Variants in SNAPC5 observed in about 807,000 individuals in gnomAD.
SNAPC5 encodes small nuclear RNA activating complex polypeptide 5.
A neutral mutation model predicts 9.1 loss-of-function variants in SNAPC5; 12 were observed. The ratio of observed to expected loss-of-function variants is 1.32; its 90% CI spans 0.85 to 2.15. The LOEUF is 2.15. Among genes scored for constraint, SNAPC5 ranks in the 30% most tolerant of loss-of-function variants. The probability of loss-of-function intolerance (pLI) is 0.00; values close to 1 mark genes in which losing one functional copy is unlikely to be tolerated. For missense variants in SNAPC5, 132 were observed against 114.4 expected, an observed-to-expected ratio of 1.15 and a Z score of -0.70; for synonymous variants, 52 against 47.3, an observed-to-expected ratio of 1.10 and a Z score of -0.41.
intron 2 of SNAPC5, among the ~76,000 whole-genome samples, 155 bp from the exon 3 acceptor site, chr15:66,494,707 TC>T (rs1253699271): frequency 6.6e-6 from 1 of 152,192 alleles, no homozygotes; most frequent in African/African-American, 2.4e-5. Context: ...TACCCCCACC[TC>T]CATTACCAAA....
rs1161049856 is a variant in SNAPC5, at chr15:66,493,910, C to T, written c.*526G>A. ...AACAGATACACAAAGCAGTTTATAG[C>T]ATGCAATATTTCAATGCCTCTGAGA... On this transcript the variant is annotated 3_prime_UTR_variant, in exon 3 of 3. Coordinates refer to ENST00000316634, the MANE Select transcript of SNAPC5 (RefSeq NM_001329615.2). 6.5e-6 allele frequency: 1 copy of T among 152,814 alleles called. No individual in the cohort carries two copies. The highest frequency in any genetic ancestry group is 1.9e-4 in the East Asian group (1 of 5,212). The allele number at this position is 152,814 out of a possible 1,614,324, so 9.5% of individuals were successfully genotyped here. A position where few individuals can be genotyped will look rare whatever the true frequency, so the allele number is the denominator to read the frequency against.
chr15:66,497,656 G>A lies in SNAPC5; in HGVS notation c.76C>T (p.Leu26=), dbSNP rs1310201422. The change falls in exon 1 of 3, where the codon CTG becomes TTG. Residue 26 remains leucine, a synonymous_variant. Coordinates refer to ENST00000316634, the MANE Select transcript of SNAPC5 (RefSeq NM_001329615.2). ...LRLKAALHDQ[L]NRLKVEELAL... ...CGCGGGGTCACCTTGAGGCGGTTCA[G>A]CTGGTCGTGCAGGGCTGCCTTCAAC... is the stretch of plus-strand genomic sequence containing the variant. 2 of 1,614,062 alleles carry A rather than the reference G, an allele frequency of 1.2e-6. No individual in the cohort carries two copies. The highest frequency in any genetic ancestry group is 1.7e-5 in the Admixed American group (1 of 60,026).
chr15:66,496,408 T>C (rs991100320), intron 1 of SNAPC5, among the ~76,000 whole-genome samples: 1 of 152,096 alleles, frequency 6.6e-6, no homozygotes, highest in African/African-American at 2.4e-5. Flanking sequence ...GAGGTTGCAG[T>C]GAGCCAAGAT....
downstream of SNAPC5, chr15:66,490,457 T>C (rs767106355): frequency 9.8e-6 from 14 of 1,426,688 alleles, no homozygotes; most frequent in Non-Finnish European, 1.4e-5. Context: ...GTTTTGTTTT[T>C]TTGTTTCTTT....
intron 1 of SNAPC5, among the ~76,000 whole-genome samples, chr15:66,496,748 T>C (rs1024251029): frequency 6.6e-6 from 1 of 152,052 alleles, no homozygotes; most frequent in African/African-American, 2.4e-5. Flanking sequence ...CTCAGCACTT[T>C]GGAAGGCCGA....
chr15:66,492,289 G>C, downstream of SNAPC5: 1 of 257,148 alleles, frequency 3.9e-6, no homozygotes, highest in Non-Finnish European at 7.7e-6. Context: ...ATAAATAAAA[G>C]GCCCATTCCT....
chr15:66,492,784 A>ATGAT (rs965221998), downstream of SNAPC5, among the ~76,000 whole-genome samples: 2 of 152,100 alleles, frequency 1.3e-5, no homozygotes, highest in African/African-American at 4.8e-5. Flanking sequence ...TGAGATACCA[A>ATGAT]TGATAGTTGG....
rs1304012265 is a variant in SNAPC5, at chr15:66,494,326, C to T, written c.*110G>A. 4 of 743,354 alleles carry T rather than the reference C, an allele frequency of 5.4e-6. No homozygotes were observed. The highest frequency in any genetic ancestry group is 9.1e-6 in the Non-Finnish European group (4 of 437,538). The allele number at this position is 743,354 out of a possible 1,614,324, so 46.0% of individuals were successfully genotyped here. A position where few individuals can be genotyped will look rare whatever the true frequency, so the allele number is the denominator to read the frequency against. Reference sequence around the variant, plus strand: ...ACATCCTCCTTATAGTTCTTGCTTTCCTTTCAAGCAGATCACAGGGCCCAG... The same window carrying T: ...ACATCCTCCTTATAGTTCTTGCTTTTCTTTCAAGCAGATCACAGGGCCCAG... On this transcript the variant is annotated 3_prime_UTR_variant, in exon 3 of 3. Transcript: ENST00000316634.
At chr15:66,490,954 G>T (rs371021779), downstream of SNAPC5, 3 of 441,018 alleles carry the variant, frequency 6.8e-6, no homozygotes, top group South Asian at 4.5e-5. Context: ...TCCATGACTG[G>T]CTGTCTGCCT....
chr15:66,494,798 T>C, intron 2 of SNAPC5: 1 of 433,248 alleles, frequency 2.3e-6, no homozygotes, highest in Non-Finnish European at 4.1e-6. Context: ...TCCATAAGAT[T>C]TGTGCCAACT....
chr15:66,490,509 C>A, downstream of SNAPC5: 1 of 1,612,132 alleles, frequency 6.2e-7, no homozygotes, highest in African/African-American at 1.3e-5. Context: ...CAGGTTCATG[C>A]TTTTATCAAG....
chr15:66,490,382 A>C (rs1893211160), downstream of SNAPC5: 1 of 795,688 alleles, frequency 1.3e-6, no homozygotes, highest in Non-Finnish European at 2.2e-6. Context: ...GGCAGGTGCC[A>C]GGTGCTCTTT....
At chr15:66,489,828 T>C, downstream of SNAPC5, 2 of 1,345,772 alleles carry the variant, frequency 1.5e-6, no homozygotes, top group Non-Finnish European at 2.1e-6. Flanking sequence ...CTGTCAGTCA[T>C]CTGTGCAGTA....
chr15:66,493,163 C>A (rs750600233), downstream of SNAPC5, among the ~76,000 whole-genome samples: 2 of 152,144 alleles, frequency 1.3e-5, no homozygotes, highest in Non-Finnish European at 2.9e-5. Flanking sequence ...GGAACTGTTA[C>A]ATAAGTTCTG....
chr15:66,494,447 A>G lies in SNAPC5; in HGVS notation c.286T>C (p.Ser96Pro). The G allele has an allele frequency of 6.2e-7, 1 of 1,611,150 alleles. No individual in the cohort carries two copies. The highest frequency in any genetic ancestry group is 1.3e-5 in the African/African-American group (1 of 74,952). ...EEEEEEEEEE[S>P]DS ...GCTTTCCCCCTCCTTTAGGAATCTGATTCTTCTTCCTCTTCCTCCTCCTCC... is the reference window on the plus strand; with the variant it reads ...GCTTTCCCCCTCCTTTAGGAATCTGGTTCTTCTTCCTCTTCCTCCTCCTCC... The change falls in exon 3 of 3, where the codon TCA becomes CCA. Residue 96 changes from serine (S) to proline (P), a missense_variant. By Grantham distance (74) the Ser-to-Pro change is moderately conservative. Transcript: ENST00000316634.
At chr15:66,490,350 G>C, downstream of SNAPC5, 1 of 736,134 alleles carries the variant, frequency 1.4e-6, no homozygotes, top group Non-Finnish European at 2.5e-6. Context: ...TGGGCCTGCA[G>C]CTGGCCCCAC....
In SNAPC5 at chr15:66,493,675, C is replaced by G. The variant is rs1277240009; in HGVS notation, c.*761G>C. On this transcript the variant is annotated 3_prime_UTR_variant, in exon 3 of 3. Coordinates refer to ENST00000316634, the MANE Select transcript of SNAPC5 (RefSeq NM_001329615.2). The stretch of plus-strand genomic sequence containing the variant: ...GTCTCAAACAAAACAAAACAAAAAA[C>G]AAAACAAAAAATCCAGTCTTCCAAG... 1 of 151,900 alleles carries G rather than the reference C, an allele frequency of 6.6e-6. No individual in the cohort carries two copies. The highest frequency in any genetic ancestry group is 2.4e-5 in the African/African-American group (1 of 41,320). 9.4% of individuals were successfully genotyped at this position (151,900 alleles called of 1,614,324 possible).
rs767892732 is a variant in SNAPC5, at chr15:66,494,406, A to G, written c.*30T>C. The G allele has an allele frequency of 1.7e-5, 25 of 1,476,582 alleles. No homozygotes were observed. The highest frequency in any genetic ancestry group is 1.8e-5 in the Non-Finnish European group (19 of 1,061,956). 91.5% of individuals were successfully genotyped at this position (1,476,582 alleles called of 1,614,324 possible). On this transcript the variant is annotated 3_prime_UTR_variant, in exon 3 of 3. Transcript: ENST00000316634. ...CCTGAGCCTTAGAAATGCAATTTGT[A>G]TAACTGACCAGCCTGGCTTTCCCCC...
At chr15:66,491,484 C>G (rs1893256076), downstream of SNAPC5, 1 of 208,386 alleles carries the variant, frequency 4.8e-6, no homozygotes, top group Admixed American at 5.9e-5. Context: ...AGATGTTTAA[C>G]AAATCTAATC....
Sources: allele counts gnomAD v4.1 joint callset (sites outside exome capture counted in the v4.1 genomes callset), GRCh38; gene constraint gnomAD v4.1.1; transcripts MANE v1.5; gene names NCBI Gene and HGNC (gene_info 2026-07-23, HGNC 2026-07-21).